Variants in VWDE observed in about 807,000 individuals in gnomAD.
The protein encoded by VWDE is von Willebrand factor D and EGF domains, also known as von Willebrand factor D and EGF domain-containing protein.
VWDE carries 207 observed loss-of-function variants against 178.4 expected under a neutral mutation model. The ratio of observed to expected loss-of-function variants is 1.16; its 90% CI spans 1.04 to 1.30. The LOEUF is 1.30. Ranked by LOEUF, VWDE falls within the 50% of genes most tolerant of loss-of-function variation. VWDE has a pLI of 0.00. For synonymous variants in VWDE, 738 were observed against 651.4 expected (o/e 1.13, Z -2.02); for missense variants, 2,287 against 1,901.3 (o/e 1.20, Z -3.77).
intron 3 of VWDE, among the ~76,000 whole-genome samples, chr7:12,385,495 C>A (rs930427984): frequency 1.3e-5 from 2 of 152,118 alleles, no homozygotes; most frequent in African/African-American, 4.8e-5. Flanking sequence ...TCTCTTTTAT[C>A]CTGTCTAAAT....
At chr7:12,335,254 T>A (rs2128544170) in intron 27 of VWDE, among the ~76,000 whole-genome samples, 1 of 152,324 alleles carries the variant, frequency 6.6e-6, no homozygotes, top group Middle Eastern at 3.4e-3. Flanking sequence ...ATTAAGTTAA[T>A]CATTGTTAAT....
chr7:12,365,743 A>C (rs1782822607), intron 13 of VWDE, among the ~76,000 whole-genome samples: 1 of 152,104 alleles, frequency 6.6e-6, no homozygotes, highest in Non-Finnish European at 1.5e-5. Flanking sequence ...AGGCTAGAAG[A>C]GCCTTTAAAA....
intron 12 of VWDE, 83 bp downstream of exon 12, chr7:12,369,462 A>G (rs1169552353): frequency 1.4e-6 from 2 of 1,417,092 alleles, no homozygotes; most frequent in Admixed American, 2.7e-5. Flanking sequence ...CACTGTTAGG[A>G]TACTGAGGGT....
rs942891935 is a variant in VWDE, at chr7:12,369,869, T to C, written c.2437A>G (p.Thr813Ala). The change falls in exon 12 of 29, where the codon ACT (threonine) becomes GCT (alanine). Residue 813 changes from threonine to alanine, a missense_variant. Transcript: ENST00000275358. ...EYSTLTLCQE[T>A]LANSSIGRLC... ...CTTCCTATGCTGGAGTTGGCTAGAG[T>C]CTCCTGACAGAGGGTCAAGGTGCTA... 2.3e-5 allele frequency: 36 copies of C among 1,551,216 alleles called. No individual in the cohort carries two copies. In the African/African-American group the frequency reaches 4.8e-4, roughly 21 times the overall value.
At chr7:12,343,928 C>T (rs886454760) in intron 21 of VWDE, among the ~76,000 whole-genome samples, 1 of 152,022 alleles carries the variant, frequency 6.6e-6, no homozygotes, top group Non-Finnish European at 1.5e-5. Flanking sequence ...TACCTTATAA[C>T]TAAACCTCAA....
At chr7:12,347,490 T>G (rs151105103) in intron 19 of VWDE, among the ~76,000 whole-genome samples, 4 of 151,986 alleles carry the variant, frequency 2.6e-5, no homozygotes, top group Non-Finnish European at 5.9e-5. Flanking sequence ...GATACTAAAA[T>G]GTAGTATAAA....
In VWDE at chr7:12,338,288, A is replaced by G. The variant is rs544795537; in HGVS notation, c.4367-1016T>C. 7.9e-4 allele frequency among the ~76,000 whole-genome samples: 120 copies of G among 152,038 alleles called. 3 individuals are homozygous for G. In the South Asian group the frequency reaches 0.024, roughly 31 times the overall value. ...TGAAGTTTTTTTTGGTTCATGCTTGAGTCTACTGTTATTTCTCTGACATTT... is the reference window on the plus strand; with the variant it reads ...TGAAGTTTTTTTTGGTTCATGCTTGGGTCTACTGTTATTTCTCTGACATTT... On this transcript the variant is annotated intron_variant, in intron 24 of 28. Transcript: ENST00000275358.
chr7:12,361,614 T>C, intron 13 of VWDE, 93 bp from the exon 14 acceptor site: 4 of 1,194,580 alleles, frequency 3.3e-6, no homozygotes, highest in African/African-American at 1.5e-5. Context: ...AATTTTAAAA[T>C]ATATGCCTAG....
intron 19 of VWDE, among the ~76,000 whole-genome samples, chr7:12,350,360 C>A (rs1408437620): frequency 6.6e-6 from 1 of 151,854 alleles, no homozygotes; most frequent in Non-Finnish European, 1.5e-5. Context: ...GAAAATTAGT[C>A]TAAGGAAACT....
intron 18 of VWDE, among the ~76,000 whole-genome samples, chr7:12,355,634 G>A (rs185215123): frequency 1.4e-3 from 216 of 152,124 alleles, no homozygotes; most frequent in African/African-American, 5.0e-3. Context: ...ATTTATTTCC[G>A]TAATCACACA....
At chr7:12,380,420 G>A (rs1187928399) in intron 5 of VWDE, 66 bp downstream of exon 5, 3 of 1,508,110 alleles carry the variant, frequency 2.0e-6, no homozygotes, top group Non-Finnish European at 2.7e-6. Context: ...TGGATATGAT[G>A]TTTAAAAATC....
rs947755215 is a variant in VWDE at position 12,367,603 on chromosome 7, G to C, written c.2762-110C>G. The C allele has an allele frequency of 2.0e-5, 19 of 946,096 alleles. No individual in the cohort carries two copies. In the East Asian group the frequency reaches 5.4e-4, roughly 27 times the overall value. 58.6% of individuals were successfully genotyped at this position (946,096 alleles called of 1,614,324 possible). A position where few individuals can be genotyped will look rare whatever the true frequency, so the allele number is the denominator to read the frequency against. ...AGCATATGGAAAATAATATTTTAAAGTATACCTAAAATGCTGCTTACAACA... is the reference window on the plus strand; with the variant it reads ...AGCATATGGAAAATAATATTTTAAACTATACCTAAAATGCTGCTTACAACA... On this transcript the variant is annotated intron_variant, in intron 12 of 28. Coordinates refer to ENST00000275358, the MANE Select transcript of VWDE (RefSeq NM_001135924.3).
At chr7:12,392,189 T>G (rs186780628) in intron 2 of VWDE, among the ~76,000 whole-genome samples, 4 of 152,194 alleles carry the variant, frequency 2.6e-5, no homozygotes, top group African/African-American at 9.6e-5. Flanking sequence ...ATCTTTATAA[T>G]GAAGTAACAC....
chr7:12,403,727 G>A lies in VWDE; in HGVS notation c.-11C>T. The A allele has an allele frequency of 6.4e-7, 1 of 1,550,414 alleles. No individual in the cohort carries two copies. The highest frequency in any genetic ancestry group is 8.7e-7 in the Non-Finnish European group (1 of 1,146,432). ...GGCTCCGCCAGGCATCGCTGCTTCC[G>A]CAGGTGGGGCGAAAGGCGTCGCAGA... On this transcript the variant is annotated 5_prime_UTR_variant, in exon 1 of 29. Transcript: ENST00000275358.
rs947654502 is a variant in VWDE at position 12,372,864 on chromosome 7, C to T, written c.1587+113G>A. The T allele has an allele frequency of 1.3e-5, 13 of 1,017,206 alleles. 1 individual carries two copies. Among genetic ancestry groups the T allele is most frequent in the Non-Finnish European group, 1.9e-5 (13 of 702,282 alleles). The allele number at this position is 1,017,206 out of a possible 1,614,324, so 63.0% of individuals were successfully genotyped here. A position where few individuals can be genotyped will look rare whatever the true frequency, so the allele number is the denominator to read the frequency against. ...TCTAAGATGATGGTTAATATAAATG[C>T]TATTTTCTTAAACAAACTAATGTTG... On this transcript the variant is annotated intron_variant, in intron 10 of 28. Coordinates refer to ENST00000275358, the MANE Select transcript of VWDE (RefSeq NM_001135924.3).
chr7:12,395,602 T>G, intron 1 of VWDE, among the ~76,000 whole-genome samples: 1 of 152,040 alleles, frequency 6.6e-6, no homozygotes. Context: ...AACTCAAAAT[T>G]TTATTTATTT....
Position 12,393,583 on chromosome 7 carries a change from A to T in VWDE, c.243+11T>A. 1 of 1,531,402 alleles carries T rather than the reference A, an allele frequency of 6.5e-7. No homozygotes were observed. The highest frequency in any genetic ancestry group is 8.8e-7 in the Non-Finnish European group (1 of 1,136,750). 94.9% of individuals were successfully genotyped at this position (1,531,402 alleles called of 1,614,324 possible). A position where few individuals can be genotyped will look rare whatever the true frequency, so the allele number is the denominator to read the frequency against. Reference sequence around the variant, plus strand: ...GGAAAATAACATGCAGTACTTAGGGAGTTGACATACCTCAACACATTTGGT... The same window carrying T: ...GGAAAATAACATGCAGTACTTAGGGTGTTGACATACCTCAACACATTTGGT... On this transcript the variant is annotated intron_variant, in intron 2 of 28. Coordinates refer to ENST00000275358, the MANE Select transcript of VWDE (RefSeq NM_001135924.3).
At chr7:12,368,596 C>G (rs1007239930) in intron 12 of VWDE, among the ~76,000 whole-genome samples, 9 of 152,078 alleles carry the variant, frequency 5.9e-5, no homozygotes, top group African/African-American at 2.2e-4. Flanking sequence ...AGAGAGGAAC[C>G]TCAGACTACC....
chr7:12,380,359 AC>A, intron 5 of VWDE, 126 bp downstream of exon 5: 4 of 1,311,544 alleles, frequency 3.0e-6, no homozygotes, highest in Non-Finnish European at 4.0e-6. Context: ...GGAAAAAAAA[AC>A]AAAAAGAAAA....
Sources: allele counts gnomAD v4.1 joint callset (sites outside exome capture counted in the v4.1 genomes callset), GRCh38; gene constraint gnomAD v4.1.1; transcripts MANE v1.5; gene names NCBI Gene and HGNC (gene_info 2026-07-23, HGNC 2026-07-21).